The following TNIK variants were observed in gnomAD, a reference collection of about 807,000 sequenced individuals.
TNIK encodes the protein TRAF2 and NCK interacting kinase.
In TNIK, 49 loss-of-function variants were observed where a neutral mutation model predicts 191.3. The observed-to-expected ratio is 0.26, with a 90% CI of 0.20 to 0.32. The LOEUF (loss-of-function observed/expected upper bound fraction) is 0.32. TNIK is among the 10% of genes least tolerant of loss of function. The pLI, the probability that TNIK is intolerant of heterozygous loss-of-function variation, is 1.00. For synonymous variants in TNIK, 594 were observed against 600.9 expected (o/e 0.99, Z 0.17); for missense variants, 1,155 against 1,702.3 (o/e 0.68, Z 5.66).
intron 2 of TNIK, among the ~76,000 whole-genome samples, chr3:171,255,838 C>T (rs1042206093): frequency 6.6e-6 from 1 of 152,148 alleles, no homozygotes; most frequent in Non-Finnish European, 1.5e-5. Context: ...GCCGTAAATG[C>T]CACAACAGTT....
intron 2 of TNIK, among the ~76,000 whole-genome samples, chr3:171,244,797 A>T (rs1257287529): frequency 6.6e-6 from 1 of 151,074 alleles, no homozygotes; most frequent in East Asian, 1.9e-4. Context: ...TAGGATGACA[A>T]CTTACTGCTT....
chr3:171,115,854 T>C (rs538733047), intron 18 of TNIK, among the ~76,000 whole-genome samples: 13 of 152,298 alleles, frequency 8.5e-5, no homozygotes, highest in African/African-American at 3.1e-4. Flanking sequence ...TGGGCAGTGA[T>C]GTCCTGTGTG....
chr3:171,401,902 A>C (rs1424799800), intron 1 of TNIK, among the ~76,000 whole-genome samples: 1 of 152,232 alleles, frequency 6.6e-6, no homozygotes, highest in Non-Finnish European at 1.5e-5. Flanking sequence ...TCATTGCTAC[A>C]ACCACTGTTG....
At chr3:171,458,333 C>G (rs998197180) in intron 1 of TNIK, among the ~76,000 whole-genome samples, 2 of 152,178 alleles carry the variant, frequency 1.3e-5, no homozygotes, top group Non-Finnish European at 2.9e-5. Context: ...CAACCCCACC[C>G]CGCTGCGCAG....
chr3:171,332,957 C>T (rs912326062), intron 2 of TNIK, among the ~76,000 whole-genome samples: 11 of 152,012 alleles, frequency 7.2e-5, no homozygotes, highest in African/African-American at 2.7e-4. Flanking sequence ...TTGGATGGGA[C>T]TAGGGGGTGG....
At chr3:171,067,694 A>G (rs1464759901) in intron 30 of TNIK, among the ~76,000 whole-genome samples, 1 of 150,760 alleles carries the variant, frequency 6.6e-6, no homozygotes, top group Non-Finnish European at 1.5e-5. Flanking sequence ...AAAAAAAATC[A>G]CTATTGAAAT....
chr3:171,286,692 C>T (rs1464832705), intron 2 of TNIK, among the ~76,000 whole-genome samples: 2 of 152,132 alleles, frequency 1.3e-5, no homozygotes, highest in Admixed American at 1.3e-4. Context: ...ACTTTAGAGG[C>T]AGAAATGTCA....
In TNIK at chr3:171,264,056, A is replaced by G. The variant is rs540208284; in HGVS notation, c.124-35835T>C. 5.1e-3 allele frequency among the ~76,000 whole-genome samples: 628 copies of G among 123,874 alleles called. 7 individuals carry two copies. Among genetic ancestry groups the G allele is most frequent in the African/African-American group, 0.02 (577 of 29,410 alleles). The allele number at this position is 123,874 out of a possible 152,430, so 81.3% of individuals were successfully genotyped here. ...TGTGTGTATATATATGTGTGTGTGT[A>G]TATATATACATACACACACACACAC... On this transcript the variant is annotated intron_variant, in intron 2 of 32. Coordinates refer to ENST00000436636, the MANE Select transcript of TNIK (RefSeq NM_015028.4).
intron 2 of TNIK, among the ~76,000 whole-genome samples, chr3:171,244,166 A>G (rs922761299): frequency 1.3e-5 from 2 of 149,538 alleles, no homozygotes; most frequent in Non-Finnish European, 3.0e-5. Flanking sequence ...CCGGGTTCAC[A>G]CCACTCTCCT....
chr3:171,245,095 C>T, intron 2 of TNIK, among the ~76,000 whole-genome samples: 1 of 152,232 alleles, frequency 6.6e-6, no homozygotes, highest in East Asian at 1.9e-4. Context: ...AAAAAGAAGA[C>T]TGAATAAAGG....
intron 1 of TNIK, among the ~76,000 whole-genome samples, chr3:171,415,549 C>A (rs1722936563): frequency 6.6e-6 from 1 of 152,050 alleles, no homozygotes; most frequent in Non-Finnish European, 1.5e-5. Context: ...AATCTCACAA[C>A]TAAGATAAAT....
At chr3:171,135,897 A>G (rs1729925623) in intron 15 of TNIK, among the ~76,000 whole-genome samples, 1 of 152,238 alleles carries the variant, frequency 6.6e-6, no homozygotes, top group African/African-American at 2.4e-5. Context: ...CAGGAATGCC[A>G]TGTCTCCTGA....
chr3:171,063,118 C>CAGGAT lies in TNIK; in HGVS notation c.*762_*763insATCCT, dbSNP rs1271079400. On this transcript the variant is annotated 3_prime_UTR_variant, in exon 33 of 33. Transcript: ENST00000436636. ...TCAATGGCGTTAGTATCCTGTTCAA[C>CAGGAT]ACACTCCATTCTGTAAAGGGCCATA... 6.6e-6 allele frequency: 1 copy of CAGGAT among 152,220 alleles called. No homozygotes were observed. The highest frequency in any genetic ancestry group is 6.5e-5 in the Admixed American group (1 of 15,280). 9.4% of individuals were successfully genotyped at this position (152,220 alleles called of 1,614,324 possible).
At chr3:171,191,112 T>C (rs1418733139) in intron 5 of TNIK, among the ~76,000 whole-genome samples, 3 of 152,312 alleles carry the variant, frequency 2.0e-5, no homozygotes, top group Non-Finnish European at 4.4e-5. Flanking sequence ...AATACTACTG[T>C]GAAAAGCGAA....
chr3:171,298,430 A>G (rs1358669616), intron 2 of TNIK, among the ~76,000 whole-genome samples: 1 of 152,230 alleles, frequency 6.6e-6, no homozygotes, highest in Non-Finnish European at 1.5e-5. Flanking sequence ...TGCTTATTAA[A>G]TATTCCCTCT....
At chr3:171,428,351 T>C (rs1724914120) in intron 1 of TNIK, among the ~76,000 whole-genome samples, 1 of 152,152 alleles carries the variant, frequency 6.6e-6, no homozygotes, top group Admixed American at 6.5e-5. Context: ...GAGTCAAAGT[T>C]ACTCCCAAGG....
intron 1 of TNIK, among the ~76,000 whole-genome samples, chr3:171,456,831 T>C (rs1267039629): frequency 6.6e-6 from 1 of 152,254 alleles, no homozygotes; most frequent in African/African-American, 2.4e-5. Flanking sequence ...GTATTATTGA[T>C]TTCTGATTCC....
chr3:171,136,376 C>T (rs984791766), intron 15 of TNIK, among the ~76,000 whole-genome samples: 2 of 152,194 alleles, frequency 1.3e-5, no homozygotes, highest in African/African-American at 4.8e-5. Flanking sequence ...ATGGACAACT[C>T]GGGGCTTGTC....
At chr3:171,131,015 C>T (rs928507987) in intron 15 of TNIK, among the ~76,000 whole-genome samples, 16 of 150,252 alleles carry the variant, frequency 1.1e-4, no homozygotes, top group Non-Finnish European at 2.1e-4. Context: ...GCAACAAGGC[C>T]CCAGTCTAAG....
Sources: gnomAD v4.1 joint callset for allele counts (sites outside exome capture counted in the v4.1 genomes callset) on GRCh38, gnomAD v4.1.1 for gene constraint, MANE v1.5 for transcripts, NCBI Gene and HGNC (gene_info 2026-07-23, HGNC 2026-07-21) for gene names.